Variants in THSD4 observed in about 807,000 individuals in gnomAD.
THSD4 encodes the protein thrombospondin type-1 domain-containing protein 4.
In THSD4, 69 loss-of-function variants were observed where a neutral mutation model predicts 119.0. That is an observed-to-expected ratio of 0.58 (90% confidence interval 0.48 to 0.71). The LOEUF (loss-of-function observed/expected upper bound fraction) is 0.71. Ranked by LOEUF, THSD4 falls within the 30% of genes least tolerant of loss-of-function variation. THSD4 has a pLI of 0.00. For synonymous variants in THSD4, 524 were observed against 540.4 expected, an observed-to-expected ratio of 0.97 and a Z score of 0.42; for missense variants, 1,393 against 1,391.1, an observed-to-expected ratio of 1.00 and a Z score of -0.02.
At chr15:71,414,731 A>G (rs747381077) in intron 7 of THSD4, among the ~76,000 whole-genome samples, 7 of 152,246 alleles carry the variant, frequency 4.6e-5, no homozygotes, top group Non-Finnish European at 8.8e-5. Context: ...CTAATTGATG[A>G]AAAACATTCA....
chr15:71,517,159 G>A (rs1186199783), intron 7 of THSD4, among the ~76,000 whole-genome samples: 1 of 152,158 alleles, frequency 6.6e-6, no homozygotes, highest in Non-Finnish European at 1.5e-5. Flanking sequence ...AAAAATGTCA[G>A]ATAATAGTTT....
chr15:71,501,689 A>T (rs567747486), intron 7 of THSD4, among the ~76,000 whole-genome samples: 41 of 152,360 alleles, frequency 2.7e-4, no homozygotes, highest in Middle Eastern at 6.8e-3. Context: ...GAATTTAAAA[A>T]TGCAAATAAC....
intron 6 of THSD4, among the ~76,000 whole-genome samples, chr15:71,384,720 A>G (rs553953855): frequency 3.3e-5 from 5 of 152,222 alleles, no homozygotes; most frequent in Non-Finnish European, 5.9e-5. Context: ...CACTTCTTAA[A>G]GTGCAGTGCC....
chr15:71,605,659 G>A (rs2050095352), intron 7 of THSD4, among the ~76,000 whole-genome samples: 1 of 152,220 alleles, frequency 6.6e-6, no homozygotes, highest in Non-Finnish European at 1.5e-5. Flanking sequence ...TGGGAGGAAA[G>A]ATCGAGAACT....
chr15:71,475,164 C>A (rs2047639079), intron 7 of THSD4, among the ~76,000 whole-genome samples: 1 of 152,212 alleles, frequency 6.6e-6, no homozygotes, highest in South Asian at 2.1e-4. Flanking sequence ...CTTTACGAAG[C>A]CAGCCTCAGA....
At chr15:71,727,585 T>C (rs71411060) in intron 8 of THSD4, among the ~76,000 whole-genome samples, 1,220 of 6,118 alleles carry the variant, frequency 0.2, 19 homozygotes, top group African/African-American at 0.32. Context: ...TATATATATA[T>C]ATACACACAC....
At chr15:71,319,737 T>C (rs559580990) in intron 6 of THSD4, among the ~76,000 whole-genome samples, 3 of 152,192 alleles carry the variant, frequency 2.0e-5, no homozygotes, top group African/African-American at 7.2e-5. Context: ...ATAGCATGTG[T>C]TTTTCTTTGT....
At chr15:71,256,035 G>A (rs1421902633) in intron 5 of THSD4, among the ~76,000 whole-genome samples, 2 of 152,138 alleles carry the variant, frequency 1.3e-5, no homozygotes, top group East Asian at 3.9e-4. Context: ...AAATAACCTA[G>A]GGAGCTTGTT....
chr15:71,673,913 C>T (rs978892012), intron 8 of THSD4, among the ~76,000 whole-genome samples: 9 of 152,292 alleles, frequency 5.9e-5, no homozygotes, highest in East Asian at 1.9e-4. Context: ...CCCACCACCA[C>T]GGCTGGCCAT....
chr15:71,244,919 A>G (rs1386541590), intron 5 of THSD4, among the ~76,000 whole-genome samples: 1 of 152,250 alleles, frequency 6.6e-6, no homozygotes, highest in African/African-American at 2.4e-5. Flanking sequence ...GGCATTTGGC[A>G]TCCGTGTGGA....
At chr15:71,302,447 G>A (rs1053293850) in intron 6 of THSD4, among the ~76,000 whole-genome samples, 8 of 152,156 alleles carry the variant, frequency 5.3e-5, no homozygotes, top group Non-Finnish European at 1.2e-4. Flanking sequence ...ATCCCACAGG[G>A]AGGCTCTGGG....
At chr15:71,466,734 G>A (rs1054156871) in intron 7 of THSD4, among the ~76,000 whole-genome samples, 3 of 152,204 alleles carry the variant, frequency 2.0e-5, no homozygotes, top group African/African-American at 7.2e-5. Context: ...AGCCAGGGCT[G>A]TCTTTCTAGG....
Position 71,775,448 on chromosome 15 carries a change from G to A in THSD4, c.2915-1784G>A, listed in dbSNP as rs1049743199. 7.9e-5 allele frequency among the ~76,000 whole-genome samples: 12 copies of A among 151,848 alleles called. No homozygotes were observed. The South Asian group carries it at 8.3e-4, about 11-fold the overall frequency. The stretch of plus-strand genomic sequence containing the variant: ...GTCTAAAGTTTATGTGGTGGCTCAC[G>A]CCTGTAATCTCAGCACTTCGGGAGG... On this transcript the variant is annotated intron_variant, in intron 17 of 17. Transcript: ENST00000261862.
chr15:71,099,594 T>C (rs1167213080), intron 1 of THSD4, among the ~76,000 whole-genome samples: 1 of 152,182 alleles, frequency 6.6e-6, no homozygotes. Context: ...CCAGGTTTCT[T>C]TTGATTAGTG....
At chr15:71,735,354 A>T (rs1225030996) in intron 10 of THSD4, among the ~76,000 whole-genome samples, 1 of 152,052 alleles carries the variant, frequency 6.6e-6, no homozygotes, top group East Asian at 1.9e-4. Context: ...GACACTGGAC[A>T]TTGTCTGGTA....
chr15:71,392,377 C>T (rs1026934304), intron 6 of THSD4, among the ~76,000 whole-genome samples: 4 of 152,172 alleles, frequency 2.6e-5, no homozygotes, highest in Non-Finnish European at 5.9e-5. Flanking sequence ...TTAAGATAAG[C>T]CTTGTCATAC....
intron 6 of THSD4, among the ~76,000 whole-genome samples, chr15:71,310,320 G>A (rs968358692): frequency 6.6e-6 from 1 of 152,078 alleles, no homozygotes; most frequent in African/African-American, 2.4e-5. Flanking sequence ...TGGGGGCCAA[G>A]GAAACTTCCC....
At chr15:71,584,725 G>A (rs1338872051) in intron 7 of THSD4, among the ~76,000 whole-genome samples, 1 of 152,126 alleles carries the variant, frequency 6.6e-6, no homozygotes, top group African/African-American at 2.4e-5. Context: ...ATTATTGATA[G>A]TTAAGAACTT....
chr15:71,305,846 CT>C (rs1567188909), intron 6 of THSD4, among the ~76,000 whole-genome samples: 1 of 152,206 alleles, frequency 6.6e-6, no homozygotes, highest in Non-Finnish European at 1.5e-5. Context: ...CACTCCAAAT[CT>C]ATCCTTCTCG....
Sources: gnomAD v4.1 joint callset for allele counts (sites outside exome capture counted in the v4.1 genomes callset) on GRCh38, gnomAD v4.1.1 for gene constraint, MANE v1.5 for transcripts, NCBI Gene and HGNC (gene_info 2026-07-23, HGNC 2026-07-21) for gene names.